The following ZNF619 variants were observed in gnomAD, a reference collection of about 807,000 sequenced individuals.
The protein encoded by ZNF619 is zinc finger protein 619.
ZNF619 carries 9 observed loss-of-function variants against 14.2 expected under a neutral mutation model. The ratio of observed to expected loss-of-function variants is 0.64; its 90% CI spans 0.38 to 1.11. ZNF619 has a LOEUF of 1.11. Ranked by LOEUF, ZNF619 falls within the 50% of genes least tolerant of loss-of-function variation. The pLI, the probability that ZNF619 is intolerant of heterozygous loss-of-function variation, is 0.01. For missense variants in ZNF619, 659 were observed against 680.1 expected (o/e 0.97, Z 0.34); for synonymous variants, 246 against 252.8 (o/e 0.97, Z 0.26).
chr3:40,479,887 C>T (rs1697328175), intron 2 of ZNF619, among the ~76,000 whole-genome samples: 1 of 152,188 alleles, frequency 6.6e-6, no homozygotes, highest in African/African-American at 2.4e-5. Flanking sequence ...GAATTGCCCC[C>T]ATGTTGAGAG....
intron 4 of ZNF619, among the ~76,000 whole-genome samples, chr3:40,485,980 T>C (rs1697567094): frequency 6.6e-6 from 1 of 152,220 alleles, no homozygotes; most frequent in African/African-American, 2.4e-5. Flanking sequence ...TACAAACTGC[T>C]TTCTGTCCAG....
At position 40,486,897 on chromosome 3, in the gene ZNF619, G is replaced by A; in HGVS notation, c.387G>A (p.Leu129=). Reference sequence around the variant, plus strand: ...CCCACAGACTGATAGTGGAGGGACTGCTGATGGACGTTCCCCAGCACCCTG... The same window carrying A: ...CCCACAGACTGATAGTGGAGGGACTACTGATGGACGTTCCCCAGCACCCTG... The part of the protein sequence containing the change: ...SESHRLIVEG[L]LMDVPQHPDF... The change falls in exon 5 of 5, where the codon CTG becomes CTA. Residue 129 remains leucine (L), a synonymous_variant. Coordinates refer to ENST00000432264, the MANE Select transcript of ZNF619 (RefSeq NM_001145093.4). 6.2e-7 allele frequency: 1 copy of A among 1,614,176 alleles called. No individual in the cohort carries two copies.
chr3:40,484,534 TA>T (rs1164607748), intron 4 of ZNF619, among the ~76,000 whole-genome samples: 1 of 152,236 alleles, frequency 6.6e-6, no homozygotes, highest in Non-Finnish European at 1.5e-5. Flanking sequence ...CACTTTGCCT[TA>T]ATCAATACCT....
intron 4 of ZNF619, among the ~76,000 whole-genome samples, chr3:40,486,243 A>G (rs1202439456): frequency 2.0e-5 from 3 of 151,908 alleles, no homozygotes; most frequent in Non-Finnish European, 2.9e-5. Context: ...ACTTCACCCC[A>G]TTCCCATTTT....
At chr3:40,481,703 A>G (rs1414559003) in intron 2 of ZNF619, among the ~76,000 whole-genome samples, 160 bp from the exon 3 acceptor site, 1 of 152,246 alleles carries the variant, frequency 6.6e-6, no homozygotes, top group Non-Finnish European at 1.5e-5. Context: ...CCCCAGAGGT[A>G]TGCACATGGA....
intron 2 of ZNF619, among the ~76,000 whole-genome samples, chr3:40,481,138 A>G (rs1222650006): frequency 1.3e-5 from 2 of 152,256 alleles, no homozygotes; most frequent in Non-Finnish European, 2.9e-5. Flanking sequence ...ACACAGGACA[A>G]AGCTTTAAAC....
rs1697786664 is a variant in ZNF619, at chr3:40,490,971, A to G, written c.*2730A>G. On this transcript the variant is annotated 3_prime_UTR_variant, in exon 5 of 5. Coordinates refer to ENST00000432264, the MANE Select transcript of ZNF619 (RefSeq NM_001145093.4). ...GATGCTTTCCATCATGTTATGACAC[A>G]GCAAGAAGGCCAGATACGGCCCCTC... Among the ~76,000 whole-genome samples, 1 of 152,194 alleles carries G rather than the reference A, an allele frequency of 6.6e-6. No homozygotes were observed. The highest frequency in any genetic ancestry group is 2.1e-4 in the South Asian group (1 of 4,832).
In ZNF619 at chr3:40,488,379, G is replaced by A. The variant is rs768769920; in HGVS notation, c.*138G>A. 3.4e-5 allele frequency: 21 copies of A among 610,364 alleles called. No homozygotes were observed. Among genetic ancestry groups the A allele is most frequent in the Non-Finnish European group, 5.8e-5 (20 of 344,140 alleles). The allele number at this position is 610,364 out of a possible 1,614,324, so 37.8% of individuals were successfully genotyped here. On this transcript the variant is annotated 3_prime_UTR_variant, in exon 5 of 5. Coordinates refer to ENST00000432264, the MANE Select transcript of ZNF619 (RefSeq NM_001145093.4). ...TCCTAACTTCATTTTAAATTCTCAC[G>A]CTTAAGGACCATGTTTGATTAGTTT...
chr3:40,481,457 CTCTG>C (rs1294529752), intron 2 of ZNF619, among the ~76,000 whole-genome samples: 1 of 152,158 alleles, frequency 6.6e-6, no homozygotes, highest in Non-Finnish European at 1.5e-5. Context: ...GAAATCACTC[CTCTG>C]TCTGTAGCAG....
At chr3:40,481,012 T>C (rs1303223183) in intron 2 of ZNF619, among the ~76,000 whole-genome samples, 1 of 152,208 alleles carries the variant, frequency 6.6e-6, no homozygotes, top group Non-Finnish European at 1.5e-5. Flanking sequence ...AGGACTCCTT[T>C]TAGTCTATTT....
In ZNF619 at chr3:40,482,661, C is replaced by T; in HGVS notation, c.252C>T (p.Pro84=). Residue 84 remains proline (P), a synonymous_variant, in exon 4 of 5, where the codon CCC becomes CCT. Coordinates refer to ENST00000432264, the MANE Select transcript of ZNF619 (RefSeq NM_001145093.4). ...EQGEAAWGPD[P]WTLAGGEALR... ...GAGAAGCAGCATGGGGCCCAGATCC[C>T]TGGACACTTGCTGGGGGAGAGGCCC... The T allele has an allele frequency of 1.2e-6, 2 of 1,614,170 alleles. No homozygotes were observed. The highest frequency in any genetic ancestry group is 1.7e-6 in the Non-Finnish European group (2 of 1,180,014).
rs924187028 is a variant in ZNF619 at position 40,487,096 on chromosome 3, G to T, written c.586G>T (p.Gly196Cys). 6.2e-7 allele frequency: 1 copy of T among 1,614,094 alleles called. No individual in the cohort carries two copies. Among genetic ancestry groups the T allele is most frequent in the Admixed American group, 1.7e-5 (1 of 60,026 alleles). Residue 196 changes from glycine to cysteine, a missense_variant, in exon 5 of 5, where the codon GGT becomes TGT. Gly to Cys is a radical substitution (Grantham distance 159). Coordinates refer to ENST00000432264, the MANE Select transcript of ZNF619 (RefSeq NM_001145093.4). ...SVSTHLITKQ[G>C]FAKEQVFYKC... Reference sequence around the variant, plus strand: ...CAGCACACATCTCATTACAAAGCAGGGTTTTGCCAAAGAACAGGTGTTTTA... The same window carrying T: ...CAGCACACATCTCATTACAAAGCAGTGTTTTGCCAAAGAACAGGTGTTTTA...
intron 4 of ZNF619, among the ~76,000 whole-genome samples, chr3:40,485,354 C>T (rs532488115): frequency 2.0e-5 from 3 of 148,678 alleles, no homozygotes; most frequent in South Asian, 2.1e-4. Context: ...CAGGCTGGAG[C>T]GCAGTGGCGC....
At chr3:40,482,548 G>A (rs1697440040) in intron 3 of ZNF619, 40 bp from the exon 4 acceptor site, 1 of 1,602,834 alleles carries the variant, frequency 6.2e-7, no homozygotes, top group Admixed American at 1.7e-5. Flanking sequence ...GGTCAGTGTT[G>A]ATTCTCCTCA....
In ZNF619 at chr3:40,489,923, T is replaced by A. The variant is rs1697755106; in HGVS notation, c.*1682T>A. On this transcript the variant is annotated 3_prime_UTR_variant, in exon 5 of 5. Coordinates refer to ENST00000432264, the MANE Select transcript of ZNF619 (RefSeq NM_001145093.4). ...AATGTTTTCAGTGTGCAGATTGCTA[T>A]TGTTTGAATATCCCCAGCAAAATTC... is the stretch of plus-strand genomic sequence containing the variant. The A allele has an allele frequency of 6.6e-6, 1 of 152,224 alleles. No homozygotes were observed. The highest frequency in any genetic ancestry group is 2.4e-5 in the African/African-American group (1 of 41,460). 9.4% of individuals were successfully genotyped at this position (152,224 alleles called of 1,614,324 possible).
Position 40,481,997 on chromosome 3 carries a change from T to G in ZNF619, c.159T>G (p.Tyr53Ter). 6.2e-7 allele frequency: 1 copy of G among 1,601,798 alleles called. No individual in the cohort carries two copies. The highest frequency in any genetic ancestry group is 8.5e-7 in the Non-Finnish European group (1 of 1,175,866). ...ACAGGGAGGTGATGCTGGAGAATTA[T>G]GCAAATGTGACTTCCTTGTGTAAGT... ...ALYREVMLEN[Y>*]ANVTSLSAFP... Residue 53 changes from tyrosine (Y) to a stop codon, truncating the protein, a stop_gained, in exon 3 of 5, where the codon TAT (tyrosine) becomes TAG (stop). Coordinates refer to ENST00000432264, the MANE Select transcript of ZNF619 (RefSeq NM_001145093.4). LOFTEE classifies it high-confidence loss of function.
At chr3:40,479,299 G>A (rs1165008817) in intron 2 of ZNF619, among the ~76,000 whole-genome samples, 1 of 152,122 alleles carries the variant, frequency 6.6e-6, no homozygotes, top group Non-Finnish European at 1.5e-5. Context: ...TGGTTGCCCG[G>A]GTTGAGTGCA....
At chr3:40,483,583 G>C in intron 4 of ZNF619, 1 of 438,784 alleles carries the variant, frequency 2.3e-6, no homozygotes, top group South Asian at 1.6e-5. Flanking sequence ...GAGGCACCAT[G>C]CCTGGCCAAG....
Position 40,488,074 on chromosome 3 carries a change from TC to T in ZNF619, c.1565del (p.Ser522PhefsTer30). 6.2e-7 allele frequency: 1 copy of T among 1,614,184 alleles called. No homozygotes were observed. The highest frequency in any genetic ancestry group is 8.5e-7 in the Non-Finnish European group (1 of 1,180,030). On this transcript the variant is annotated frameshift_variant, in exon 5 of 5. Transcript: ENST00000432264. LOFTEE classifies it low-confidence loss of function (END_TRUNC). ...ALAPPGPPLS[S>X]SHAVVLPPSV... ...AGCCCCACCAGGGCCTCCCTTATCT[TC>T]TTCACATGCAGTGGTACTTCCTCCC...
Sources: allele counts gnomAD v4.1 joint callset (sites outside exome capture counted in the v4.1 genomes callset), GRCh38; gene constraint gnomAD v4.1.1; transcripts MANE v1.5; gene names NCBI Gene and HGNC (gene_info 2026-07-23, HGNC 2026-07-21).